The following RAC1 variants were observed in gnomAD, a reference collection of about 807,000 sequenced individuals.
The protein encoded by RAC1 is ras-related C3 botulinum toxin substrate 1.
A neutral mutation model predicts 25.2 loss-of-function variants in RAC1; 2 were observed. The observed-to-expected ratio is 0.08, with a 90% confidence interval of 0.03 to 0.25. The LOEUF (loss-of-function observed/expected upper bound fraction) is 0.25, where lower values mean the gene tolerates loss of function less well. RAC1 is among the 10% of genes least tolerant of loss of function. RAC1 has a pLI of 1.00. For synonymous variants in RAC1, 88 were observed against 94.0 expected, an observed-to-expected ratio of 0.94 and a Z score of 0.37; for missense variants, 50 against 235.7, an observed-to-expected ratio of 0.21 and a Z score of 5.16.
intron 4 of RAC1, chr7:6,401,584 T>C (rs1010679178): frequency 8.4e-6 from 2 of 239,034 alleles, no homozygotes; most frequent in East Asian, 1.6e-4. Context: ...CCCTTCCTTT[T>C]GTTTCTCTTC....
At chr7:6,386,038 A>G (rs1305665061) in intron 1 of RAC1, among the ~76,000 whole-genome samples, 1 of 152,204 alleles carries the variant, frequency 6.6e-6, no homozygotes, top group Non-Finnish European at 1.5e-5. Context: ...AAAACATTCC[A>G]GGTGGTTGGG....
intron 3 of RAC1, among the ~76,000 whole-genome samples, chr7:6,392,966 A>G (rs1039387985): frequency 2.0e-5 from 3 of 152,210 alleles, no homozygotes; most frequent in African/African-American, 4.8e-5. Flanking sequence ...AGCCGCTGTC[A>G]GAATTCTCCT....
intron 5 of RAC1, 82 bp from the exon 6 acceptor site, chr7:6,402,234 C>T: frequency 6.6e-7 from 1 of 1,522,938 alleles, no homozygotes; most frequent in Non-Finnish European, 8.8e-7. Flanking sequence ...CGCCCGGGCC[C>T]CAGGAGCTGC....
At chr7:6,398,433 C>T (rs1783307330) in intron 3 of RAC1, among the ~76,000 whole-genome samples, 1 of 152,204 alleles carries the variant, frequency 6.6e-6, no homozygotes, top group African/African-American at 2.4e-5. Flanking sequence ...TCAGGATCTC[C>T]CTGACCTCTG....
At chr7:6,390,181 A>G (rs1330798751) in intron 2 of RAC1, among the ~76,000 whole-genome samples, 1 of 134,736 alleles carries the variant, frequency 7.4e-6, no homozygotes, top group African/African-American at 2.9e-5. Context: ...ACCTCAGCCT[A>G]TTGAGTAGCA....
intron 3 of RAC1, among the ~76,000 whole-genome samples, chr7:6,397,931 G>A (rs1489545658): frequency 6.6e-6 from 1 of 152,218 alleles, no homozygotes; most frequent in Non-Finnish European, 1.5e-5. Context: ...AGAGGTTGCA[G>A]TGAGCTGAGA....
Position 6,398,668 on chromosome 7 carries a change from G to A in RAC1, c.226-1458G>A, listed in dbSNP as rs768659421. On this transcript the variant is annotated intron_variant, in intron 3 of 5. Transcript: ENST00000348035. Reference sequence around the variant, plus strand: ...AGTTCTCATGCATTACTAGGTTGGAGAAACGTACGGTAAGGATATAACCTC... The same window carrying A: ...AGTTCTCATGCATTACTAGGTTGGAAAAACGTACGGTAAGGATATAACCTC... The A allele has an allele frequency of 3.1e-6, 5 of 1,613,844 alleles. No homozygotes were observed. The highest frequency in any genetic ancestry group is 4.2e-6 in the Non-Finnish European group (5 of 1,179,786).
chr7:6,392,175 A>G (rs1330296055), intron 3 of RAC1, 134 bp downstream of exon 3: 1 of 1,471,602 alleles, frequency 6.8e-7, no homozygotes, highest in East Asian at 2.4e-5. Flanking sequence ...ACAGGGTGGG[A>G]TTGGTTCCAT....
chr7:6,385,015 C>G (rs1265171675), intron 1 of RAC1, among the ~76,000 whole-genome samples: 1 of 149,236 alleles, frequency 6.7e-6, no homozygotes, highest in Admixed American at 6.7e-5. Flanking sequence ...CATGTTGGCC[C>G]AGCTGGTCTT....
intron 1 of RAC1, among the ~76,000 whole-genome samples, chr7:6,382,169 A>AT (rs374063021): frequency 2.6e-5 from 4 of 151,806 alleles, no homozygotes; most frequent in African/African-American, 9.7e-5. Context: ...AATTTTTTGT[A>AT]TTTTTAATAG....
At chr7:6,376,316 G>A (rs1231456979) in intron 1 of RAC1, among the ~76,000 whole-genome samples, 1 of 149,602 alleles carries the variant, frequency 6.7e-6, no homozygotes, top group Non-Finnish European at 1.5e-5. Flanking sequence ...CTTAGTAGCT[G>A]GGATTACAGG....
chr7:6,397,702 C>T (rs1783284133), intron 3 of RAC1, among the ~76,000 whole-genome samples: 1 of 152,146 alleles, frequency 6.6e-6, no homozygotes, highest in Admixed American at 6.6e-5. Context: ...TAAAATTTGT[C>T]CATGGCTGAA....
At chr7:6,398,618 C>G (rs751395299) in intron 3 of RAC1, 7 of 1,552,492 alleles carry the variant, frequency 4.5e-6, no homozygotes, top group South Asian at 2.3e-5. Flanking sequence ...TTTTGTTGTC[C>G]TCAGTCTGTA....
intron 5 of RAC1, 142 bp from the exon 6 acceptor site, chr7:6,402,174 C>G (rs966223329): frequency 3.7e-5 from 54 of 1,450,690 alleles, no homozygotes; most frequent in Non-Finnish European, 4.7e-5. Flanking sequence ...CCCTGTGGGT[C>G]TTAACGTCAG....
chr7:6,395,896 T>G (rs1783223800), intron 3 of RAC1, among the ~76,000 whole-genome samples: 1 of 152,204 alleles, frequency 6.6e-6, no homozygotes, highest in Non-Finnish European at 1.5e-5. Flanking sequence ...ACACTACTTT[T>G]TTGTAGTGAG....
intron 4 of RAC1, among the ~76,000 whole-genome samples, chr7:6,400,876 CGTCA>C (rs1303569944): frequency 2.0e-5 from 3 of 152,018 alleles, no homozygotes; most frequent in Admixed American, 6.6e-5. Flanking sequence ...GGTTTCTCCA[CGTCA>C]GTCAGGCTGG....
chr7:6,394,481 G>C (rs1429434724), intron 3 of RAC1, among the ~76,000 whole-genome samples: 1 of 127,538 alleles, frequency 7.8e-6, no homozygotes, highest in Non-Finnish European at 1.8e-5. Context: ...TTATTTGCCT[G>C]CTTGTACCAG....
At position 6,377,775 on chromosome 7, in the gene RAC1, C is replaced by T. The variant is rs531454912; in HGVS notation, c.35+3005C>T. 2.6e-5 allele frequency among the ~76,000 whole-genome samples: 4 copies of T among 152,048 alleles called. No homozygotes were observed. The South Asian group carries it at 8.3e-4, about 32-fold the overall frequency. On this transcript the variant is annotated intron_variant, in intron 1 of 5. Coordinates refer to ENST00000348035, the MANE Select transcript of RAC1 (RefSeq NM_006908.5). ...ACTAAAAATAGAAAAATTAGCTGGG[C>T]ACGCCTGTAATCCTAGCTATTCAGG...
chr7:6,386,868 A>G lies in RAC1; in HGVS notation c.36-344A>G, dbSNP rs375636265. 8.5e-5 allele frequency among the ~76,000 whole-genome samples: 13 copies of G among 152,142 alleles called. 1 individual carries two copies. The highest frequency in any genetic ancestry group is 2.6e-4 in the Admixed American group (4 of 15,276). ...CTTAAGATTCTTGATGAGAGGCTCT[A>G]CAGATGTTCACAGAAGAGACGTGAA... On this transcript the variant is annotated intron_variant, in intron 1 of 5. Transcript: ENST00000348035.
Sources: gnomAD v4.1 joint callset for allele counts (sites outside exome capture counted in the v4.1 genomes callset) on GRCh38, gnomAD v4.1.1 for gene constraint, MANE v1.5 for transcripts, NCBI Gene and HGNC (gene_info 2026-07-23, HGNC 2026-07-21) for gene names.